TSPOAP1: variants seen among roughly 807,000 people sequenced by gnomAD.
The protein encoded by TSPOAP1 is TSPO associated protein 1.
A neutral mutation model predicts 197.0 loss-of-function variants in TSPOAP1; 87 were observed. The ratio of observed to expected loss-of-function variants is 0.44; its 90% CI spans 0.37 to 0.53. The LOEUF is 0.53. Ranked by LOEUF, TSPOAP1 falls within the 20% of genes least tolerant of loss-of-function variation. TSPOAP1 has a pLI of 0.00. For missense variants in TSPOAP1, 2,174 were observed against 2,411.3 expected, an observed-to-expected ratio of 0.90 and a Z score of 2.06; for synonymous variants, 913 against 998.9, an observed-to-expected ratio of 0.91 and a Z score of 1.62.
chr17:58,322,916 A>G lies in TSPOAP1; in HGVS notation c.1194+34T>C, dbSNP rs957457321. On this transcript the variant is annotated intron_variant, in intron 8 of 31. Transcript: ENST00000343736. This position sits in a 1 kb window ranked among gnomAD's most constrained non-coding sequence, Gnocchi z 5.0. ...TGGGGACCGGGGCAGTGGTGGGAGCACAGGTCTCCACAGCACCTGGGCGGA... is the reference window on the plus strand; with the variant it reads ...TGGGGACCGGGGCAGTGGTGGGAGCGCAGGTCTCCACAGCACCTGGGCGGA... 3.1e-6 allele frequency: 5 copies of G among 1,604,058 alleles called. No homozygotes were observed. The Admixed American group carries it at 8.6e-5, about 27-fold the overall frequency.
chr17:58,306,299 A>G, intron 26 of TSPOAP1, 43 bp downstream of exon 26: 2 of 1,525,126 alleles, frequency 1.3e-6, no homozygotes, highest in Non-Finnish European at 1.8e-6. Flanking sequence ...CCCACCGCAC[A>G]CACATCCTCC....
chr17:58,308,738 C>T lies in TSPOAP1; in HGVS notation c.4534G>A (p.Gly1512Arg), dbSNP rs764172111. ...CAGGAGCTGGTGATGCTGATGCCCC[C>T]GCTGCCCGCCTCCTGCTCATCCTCC... ...DSEDEQEAGSGGISITSSCYP... is the reference protein window; with the variant it reads ...DSEDEQEAGSRGISITSSCYP... Residue 1512 changes from glycine to arginine, a missense_variant, in exon 22 of 32, where the codon GGG becomes AGG. Physicochemically the swap from Gly to Arg is moderately radical, Grantham distance 125 (BLOSUM62 -2). This residue lies in a region of TSPOAP1 where 1,933 missense variants were observed against 2,139.0 expected (regional missense o/e 0.90). Transcript: ENST00000343736. The T allele has an allele frequency of 9.3e-6, 15 of 1,613,028 alleles. No individual in the cohort carries two copies. Among genetic ancestry groups the T allele is most frequent in the South Asian group, 5.5e-5 (5 of 91,078 alleles).
Position 58,302,297 on chromosome 17 carries a change from T to C in TSPOAP1, c.*183A>G, listed in dbSNP as rs1424415444. On this transcript the variant is annotated 3_prime_UTR_variant, in exon 32 of 32. Coordinates refer to ENST00000343736, the MANE Select transcript of TSPOAP1 (RefSeq NM_004758.4). ...TCCTTCTTCCCAGAGCCCAGCCTCCTGAGGAGCTGCTTCCCCTTGGAGAAG... is the reference window on the plus strand; with the variant it reads ...TCCTTCTTCCCAGAGCCCAGCCTCCCGAGGAGCTGCTTCCCCTTGGAGAAG... 4.7e-6 allele frequency: 6 copies of C among 1,289,534 alleles called. No homozygotes were observed. The highest frequency in any genetic ancestry group is 6.1e-6 in the Non-Finnish European group (6 of 988,788). 79.9% of individuals were successfully genotyped at this position (1,289,534 alleles called of 1,614,324 possible). A position where few individuals can be genotyped will look rare whatever the true frequency, so the allele number is the denominator to read the frequency against.
rs1311598905 is a variant in TSPOAP1, at chr17:58,311,875, G to A, written c.2929+17C>T. 2 of 1,518,326 alleles carry A rather than the reference G, an allele frequency of 1.3e-6. No homozygotes were observed. The highest frequency in any genetic ancestry group is 2.6e-5 in the South Asian group (2 of 76,856). 94.1% of individuals were successfully genotyped at this position (1,518,326 alleles called of 1,614,324 possible). On this transcript the variant is annotated intron_variant, in intron 17 of 31. Coordinates refer to ENST00000343736, the MANE Select transcript of TSPOAP1 (RefSeq NM_004758.4). ...GCCTCCTGGGTGTTCTGGACAACAG[G>A]GCCCAAGCCCACATACCTGCTGGGA... is the stretch of plus-strand genomic sequence containing the variant.
rs1971305385 is a variant in TSPOAP1, at chr17:58,318,461, A to G, written c.1700-9T>C. 1 of 1,609,502 alleles carries G rather than the reference A, an allele frequency of 6.2e-7. No individual in the cohort carries two copies. The highest frequency in any genetic ancestry group is 1.1e-5 in the South Asian group (1 of 90,744). Reference sequence around the variant, plus strand: ...CGGCGGGAGGTCAAGGTCTAAAGAGAAGATGGCACGTGGGCTTGGGGTCTG... The same window carrying G: ...CGGCGGGAGGTCAAGGTCTAAAGAGGAGATGGCACGTGGGCTTGGGGTCTG... On this transcript the variant is annotated splice_polypyrimidine_tract_variant and intron_variant, in intron 13 of 31. Coordinates refer to ENST00000343736, the MANE Select transcript of TSPOAP1 (RefSeq NM_004758.4).
chr17:58,312,432 G>A lies in TSPOAP1; in HGVS notation c.2389C>T (p.Leu797=), dbSNP rs1567843492. The change falls in exon 17 of 32, where the codon CTG becomes TTG. Residue 797 remains leucine (L), a synonymous_variant. Coordinates refer to ENST00000343736, the MANE Select transcript of TSPOAP1 (RefSeq NM_004758.4). Reference sequence around the variant, plus strand: ...TGGGCCAGCTGCTTGAGGACCACCAGACGGCGGGGGTAAGGCACGGCAGGA... The same window carrying A: ...TGGGCCAGCTGCTTGAGGACCACCAAACGGCGGGGGTAAGGCACGGCAGGA... The part of the protein sequence containing the change: ...EPPAVPYPRR[L]VVLKQLAHSV... 2.5e-6 allele frequency: 4 copies of A among 1,613,208 alleles called. No homozygotes were observed. The highest frequency in any genetic ancestry group is 3.4e-6 in the Non-Finnish European group (4 of 1,179,842).
Position 58,319,096 on chromosome 17 carries a change from G to C in TSPOAP1, c.1693C>G (p.Pro565Ala). ...SIPQPCRGSG[P>A]KDLDLPPGSP... ...CCACTGGGGTCCACCTTACCTTTGG[G>C]GCCAGACCCCCGGCAAGGCTGGGGA... Residue 565 changes from proline to alanine, a missense_variant, in exon 13 of 32, where the codon CCC (proline) becomes GCC (alanine). Transcript: ENST00000343736. 6.5e-7 allele frequency: 1 copy of C among 1,532,428 alleles called. No homozygotes were observed. The highest frequency in any genetic ancestry group is 8.8e-7 in the Non-Finnish European group (1 of 1,133,128). 94.9% of individuals were successfully genotyped at this position (1,532,428 alleles called of 1,614,324 possible). A position where few individuals can be genotyped will look rare whatever the true frequency, so the allele number is the denominator to read the frequency against.
At position 58,305,406 on chromosome 17, in the gene TSPOAP1, T is replaced by C; in HGVS notation, c.5414A>G (p.Asp1805Gly). The change falls in exon 29 of 32, where the codon GAC (aspartate) becomes GGC (glycine). Residue 1805 changes from aspartate (D) to glycine (G), a missense_variant. Around this residue, in one of 5 missense-constraint regions of TSPOAP1, gnomAD observed 4 missense variants for 18.2 expected, o/e 0.22. Coordinates refer to ENST00000343736, the MANE Select transcript of TSPOAP1 (RefSeq NM_004758.4). The stretch of plus-strand genomic sequence containing the variant: ...TCTCACATAGTAGAAACCGTCATCG[T>C]CCATGCCCCCAAACACAGTAATGAC... ...GDVITVFGGM[D>G]DDGFYYGELN... 1 of 1,613,992 alleles carries C rather than the reference T, an allele frequency of 6.2e-7. No individual in the cohort carries two copies. The highest frequency in any genetic ancestry group is 8.5e-7 in the Non-Finnish European group (1 of 1,179,956).
chr17:58,313,484 G>A (rs146865832), intron 16 of TSPOAP1, among the ~76,000 whole-genome samples: 38 of 152,090 alleles, frequency 2.5e-4, no homozygotes, highest in Non-Finnish European at 5.0e-4. Context: ...GTGGTTGCAC[G>A]CCTGCAGTTG....
chr17:58,314,358 G>A (rs2526382), intron 16 of TSPOAP1, among the ~76,000 whole-genome samples: 17,521 of 152,218 alleles, frequency 0.12, 1,254 homozygotes, highest in Non-Finnish European at 0.16. Context: ...TTTGGAAAAA[G>A]CGTCTTTGCA....
Position 58,310,612 on chromosome 17 carries a change from G to C in TSPOAP1, c.3599C>G (p.Pro1200Arg). The change falls in exon 20 of 32, where the codon CCG becomes CGG. Residue 1200 changes from proline (P) to arginine (R), a missense_variant. Pro to Arg is a moderately radical substitution (Grantham distance 103). Coordinates refer to ENST00000343736, the MANE Select transcript of TSPOAP1 (RefSeq NM_004758.4). ...TGCTCCCTGGGTGGAGCTGGAGGCC[G>C]GACAGGCCTCTCCTGCAGTCCACTC... ...EAEWTAGEAC[P>R]ASSSTQGARA... 1 of 1,613,236 alleles carries C rather than the reference G, an allele frequency of 6.2e-7. No individual in the cohort carries two copies. The highest frequency in any genetic ancestry group is 8.5e-7 in the Non-Finnish European group (1 of 1,180,034).
At chr17:58,319,364 C>A in intron 12 of TSPOAP1, 70 bp from the exon 13 acceptor site, 1 of 1,447,620 alleles carries the variant, frequency 6.9e-7, no homozygotes, top group African/African-American at 1.4e-5. Context: ...GCCATCTGTA[C>A]ACAGCCCTAC....
Position 58,308,006 on chromosome 17 carries a change from C to T in TSPOAP1, c.4732-65G>A. The T allele has an allele frequency of 2.8e-6, 4 of 1,441,234 alleles. No homozygotes were observed. In the South Asian group the frequency reaches 3.8e-5, roughly 14 times the overall value. 89.3% of individuals were successfully genotyped at this position (1,441,234 alleles called of 1,614,324 possible). On this transcript the variant is annotated intron_variant, in intron 22 of 31. Transcript: ENST00000343736. Reference sequence around the variant, plus strand: ...ATCCCTCTGGTGGGCTCGTGCTCCCCCAGCTCTGCCCCATCAGCGTAAGCA... The same window carrying T: ...ATCCCTCTGGTGGGCTCGTGCTCCCTCAGCTCTGCCCCATCAGCGTAAGCA...
At chr17:58,325,876 C>T (rs1971581138) in intron 3 of TSPOAP1, 163 bp from the exon 4 acceptor site, 2 of 723,376 alleles carry the variant, frequency 2.8e-6, no homozygotes, top group South Asian at 1.9e-5. Flanking sequence ...CACTCTACCC[C>T]ATCCCAGCAG....
At chr17:58,316,403 G>A (rs200964393) in intron 15 of TSPOAP1, 22 bp downstream of exon 15, 55 of 1,588,688 alleles carry the variant, frequency 3.5e-5, no homozygotes, top group Non-Finnish European at 4.6e-5. Context: ...GGGCTAGGGG[G>A]CAGTGAGGGT....
chr17:58,308,025 G>A (rs1253464996), intron 22 of TSPOAP1, 84 bp from the exon 23 acceptor site: 22 of 1,346,010 alleles, frequency 1.6e-5, no homozygotes, highest in Admixed American at 6.3e-5. Flanking sequence ...CCCCATCAGC[G>A]TAAGCAGCAC....
Position 58,322,380 on chromosome 17 carries a change from C to T in TSPOAP1, c.1350G>A (p.Gln450=), listed in dbSNP as rs199843703. The change falls in exon 10 of 32, where the codon CAG becomes CAA. Residue 450 remains glutamine, a synonymous_variant. Coordinates refer to ENST00000343736, the MANE Select transcript of TSPOAP1 (RefSeq NM_004758.4). The surrounding 1 kb of genome is among the most constrained non-coding windows in gnomAD (Gnocchi z 5.0). The part of the protein sequence containing the change: ...HMREVAQRRQ[Q]LEVEHEQARL... ...GAGCCTGTTCATGCTCCACCTCCAG[C>T]TGCTGCCGCCGCTGGGCCACCTCCC... 13 of 1,606,346 alleles carry T rather than the reference C, an allele frequency of 8.1e-6. No individual in the cohort carries two copies. The highest frequency in any genetic ancestry group is 1.3e-5 in the African/African-American group (1 of 75,050).
intron 16 of TSPOAP1, among the ~76,000 whole-genome samples, chr17:58,314,317 C>G (rs1367419142): frequency 6.6e-6 from 1 of 152,214 alleles, no homozygotes; most frequent in Non-Finnish European, 1.5e-5. Context: ...TGTCCATGTT[C>G]TAATCCCCAG....
intron 15 of TSPOAP1, 97 bp downstream of exon 15, chr17:58,316,328 C>T: frequency 8.3e-7 from 1 of 1,206,132 alleles, no homozygotes; most frequent in Non-Finnish European, 1.2e-6. Flanking sequence ...TCCTGTACTG[C>T]CCCCACCACT....
Sources: allele counts gnomAD v4.1 joint callset (sites outside exome capture counted in the v4.1 genomes callset), GRCh38; gene constraint gnomAD v4.1.1; regional missense constraint gnomAD v4.1.1; non-coding constraint Gnocchi (gnomAD v3.1); transcripts MANE v1.5; gene names NCBI Gene and HGNC (gene_info 2026-07-23, HGNC 2026-07-21).